NCAM2: variants seen among roughly 807,000 people sequenced by gnomAD.
The protein encoded by NCAM2 is neural cell adhesion molecule 2.
In NCAM2, 30 loss-of-function variants were observed where a neutral mutation model predicts 98.1. That is an observed-to-expected ratio of 0.31 (90% CI 0.23 to 0.41). The LOEUF (loss-of-function observed/expected upper bound fraction) is 0.41. Among genes scored for constraint, NCAM2 ranks in the 10% least tolerant of loss-of-function variants. The pLI is 1.00. For missense variants in NCAM2, 867 were observed against 1,005.8 expected (o/e 0.86, Z 1.87); for synonymous variants, 368 against 342.4 (o/e 1.07, Z -0.83).
At chr21:21,486,053 T>C (rs990758575) in intron 15 of NCAM2, among the ~76,000 whole-genome samples, 40 of 151,982 alleles carry the variant, frequency 2.6e-4, no homozygotes, top group African/African-American at 9.2e-4. Context: ...CCTGTAATCC[T>C]AGCACTTTGG....
intron 8 of NCAM2, among the ~76,000 whole-genome samples, chr21:21,368,948 T>C (rs2075850481): frequency 6.6e-6 from 1 of 151,902 alleles, no homozygotes; most frequent in Non-Finnish European, 1.5e-5. Flanking sequence ...CTTCAACTGA[T>C]ATTTACCTTT....
chr21:21,391,521 A>C (rs1292243859), intron 9 of NCAM2, among the ~76,000 whole-genome samples: 1 of 126,232 alleles, frequency 7.9e-6, no homozygotes, highest in Non-Finnish European at 1.8e-5. Flanking sequence ...CATTAAAACA[A>C]TAATGATCAG....
rs527695510 is a variant in NCAM2 at position 21,304,303 on chromosome 21, C to G, written c.619+12062C>G. Among the ~76,000 whole-genome samples, 9 of 139,222 alleles carry G rather than the reference C, an allele frequency of 6.5e-5. No individual in the cohort carries two copies. In the South Asian group the frequency reaches 2.2e-3, roughly 34 times the overall value. 91.3% of individuals were successfully genotyped at this position (139,222 alleles called of 152,430 possible). A position where few individuals can be genotyped will look rare whatever the true frequency, so the allele number is the denominator to read the frequency against. Reference sequence around the variant, plus strand: ...TTCTTACGATATTGTGACAAATTGGCGAAAGGTTTTGTTTGGTTTGTTGTA... The same window carrying G: ...TTCTTACGATATTGTGACAAATTGGGGAAAGGTTTTGTTTGGTTTGTTGTA... On this transcript the variant is annotated intron_variant, in intron 5 of 17. Transcript: ENST00000400546.
intron 6 of NCAM2, among the ~76,000 whole-genome samples, chr21:21,334,721 G>A (rs2826805): frequency 0.14 from 21,861 of 151,982 alleles, 1,903 homozygotes; most frequent in Non-Finnish European, 0.2. Context: ...GGAAATCATA[G>A]AAATAGTTCA....
intron 9 of NCAM2, among the ~76,000 whole-genome samples, chr21:21,374,841 T>C (rs2075995771): frequency 6.6e-6 from 1 of 151,778 alleles, no homozygotes; most frequent in African/African-American, 2.4e-5. Context: ...TAGAATGCAA[T>C]GGTAACTGTG....
chr21:21,034,053 G>GA (rs151010734), intron 1 of NCAM2, among the ~76,000 whole-genome samples: 1 of 124,088 alleles, frequency 8.1e-6, no homozygotes, highest in Non-Finnish European at 1.7e-5. Flanking sequence ...GATAGGCAAA[G>GA]GGGGGGGGGA....
At chr21:21,165,945 T>A (rs1162672293) in intron 1 of NCAM2, among the ~76,000 whole-genome samples, 1 of 152,170 alleles carries the variant, frequency 6.6e-6, no homozygotes, top group Non-Finnish European at 1.5e-5. Context: ...TTGACTATGC[T>A]ATGAGAGCTC....
In NCAM2 at chr21:21,012,184, A is replaced by G. The variant is rs1241999804; in HGVS notation, c.55+13566A>G. ...AGTAACTCTTTTAGAGACTTAAAAT[A>G]TTAATAAGCATGGAGAACTAGCAGG... is the stretch of plus-strand genomic sequence containing the variant. On this transcript the variant is annotated intron_variant, in intron 1 of 17. Coordinates refer to ENST00000400546, the MANE Select transcript of NCAM2 (RefSeq NM_004540.5). Among the ~76,000 whole-genome samples, 3 of 152,180 alleles carry G rather than the reference A, an allele frequency of 2.0e-5. No homozygotes were observed. The East Asian group carries it at 5.8e-4, about 29-fold the overall frequency.
chr21:21,048,614 A>G (rs907793556), intron 1 of NCAM2, among the ~76,000 whole-genome samples: 10 of 151,548 alleles, frequency 6.6e-5, no homozygotes, highest in African/African-American at 2.4e-4. Flanking sequence ...CGGCCTCCCA[A>G]AGTGCTGGGA....
chr21:21,166,142 G>C (rs983639395), intron 1 of NCAM2, among the ~76,000 whole-genome samples: 6 of 152,202 alleles, frequency 3.9e-5, no homozygotes, highest in African/African-American at 1.4e-4. Context: ...AGGGCATACA[G>C]CTTCCTGTTT....
rs117662867 is a variant in NCAM2 at position 21,232,818 on chromosome 21, T to G, written c.56-47760T>G. Among the ~76,000 whole-genome samples, 1,479 of 151,758 alleles carry G rather than the reference T, an allele frequency of 9.7e-3. 7 individuals carry two copies. Among genetic ancestry groups the G allele is most frequent in the Middle Eastern group, 0.017 (5 of 294 alleles). On this transcript the variant is annotated intron_variant, in intron 1 of 17. Coordinates refer to ENST00000400546, the MANE Select transcript of NCAM2 (RefSeq NM_004540.5). ...CATAAACTGTAGGAGCAACTCACCC[T>G]TGTGCTGTATTTGACCCAGACTTAA...
intron 5 of NCAM2, among the ~76,000 whole-genome samples, chr21:21,301,562 A>C (rs1251690979): frequency 4.2e-4 from 41 of 97,802 alleles, no homozygotes; most frequent in Middle Eastern, 5.5e-3. Context: ...CAGTCCCCAG[A>C]GTGTGATATT....
intron 1 of NCAM2, among the ~76,000 whole-genome samples, chr21:21,058,144 CAAAAAAAA>C (rs56355387): frequency 4.8e-5 from 5 of 104,460 alleles, no homozygotes; most frequent in Non-Finnish European, 9.8e-5. Context: ...TAAGTCTCTT[CAAAAAAAA>C]AAAAAAAAAA....
intron 15 of NCAM2, among the ~76,000 whole-genome samples, chr21:21,497,127 C>T (rs927278916): frequency 5.9e-5 from 9 of 152,108 alleles, no homozygotes; most frequent in African/African-American, 2.2e-4. Context: ...CAAAATATCA[C>T]ATGTTCTCAC....
At chr21:21,169,520 A>C (rs1308970382) in intron 1 of NCAM2, among the ~76,000 whole-genome samples, 1 of 152,220 alleles carries the variant, frequency 6.6e-6, no homozygotes, top group African/African-American at 2.4e-5. Flanking sequence ...GACTGAGAAA[A>C]AAATATTTGC....
In NCAM2 at chr21:21,338,551, A is replaced by G. The variant is rs1230587457; in HGVS notation, c.1044+17A>G. 1 of 1,571,970 alleles carries G rather than the reference A, an allele frequency of 6.4e-7. No individual in the cohort carries two copies. Among genetic ancestry groups the G allele is most frequent in the East Asian group, 2.3e-5 (1 of 43,138 alleles). ...GGCGATAAGGTAACCACATCTCAAT[A>G]TGTAATGGTTTCCATTACCATGCAA... is the stretch of plus-strand genomic sequence containing the variant. On this transcript the variant is annotated intron_variant, in intron 8 of 17. Coordinates refer to ENST00000400546, the MANE Select transcript of NCAM2 (RefSeq NM_004540.5).
At chr21:21,537,540 G>A (rs547183881) in intron 17 of NCAM2, among the ~76,000 whole-genome samples, 1 of 152,084 alleles carries the variant, frequency 6.6e-6, no homozygotes, top group Admixed American at 6.6e-5. Context: ...GAGCAATTTG[G>A]TGCATCTATA....
chr21:21,080,306 T>G (rs1388902389), intron 1 of NCAM2, among the ~76,000 whole-genome samples: 2 of 152,078 alleles, frequency 1.3e-5, no homozygotes, highest in African/African-American at 4.8e-5. Context: ...ACATTAACAT[T>G]TCGCCTTTAC....
At chr21:21,147,467 TG>T (rs1298558504) in intron 1 of NCAM2, among the ~76,000 whole-genome samples, 4 of 151,840 alleles carry the variant, frequency 2.6e-5, no homozygotes, top group African/African-American at 9.7e-5. Context: ...TGGAGTGCCG[TG>T]GTATACTCAT....
Sources: allele counts gnomAD v4.1 joint callset (sites outside exome capture counted in the v4.1 genomes callset), GRCh38; gene constraint gnomAD v4.1.1; transcripts MANE v1.5; gene names NCBI Gene and HGNC (gene_info 2026-07-23, HGNC 2026-07-21).